Variants in NOVA1 observed in about 807,000 individuals in gnomAD.
NOVA1 encodes RNA-binding protein Nova-1.
In NOVA1, 7 loss-of-function variants were observed where a neutral mutation model predicts 38.0. The ratio of observed to expected loss-of-function variants is 0.18; its 90% CI spans 0.10 to 0.35. The LOEUF is 0.35. Among genes scored for constraint, NOVA1 ranks in the 10% least tolerant of loss-of-function variants. The pLI is 1.00. For synonymous variants in NOVA1, 270 were observed against 232.5 expected, an observed-to-expected ratio of 1.16 and a Z score of -1.47; for missense variants, 460 against 616.0, an observed-to-expected ratio of 0.75 and a Z score of 2.68.
rs1887238038 is a variant in NOVA1, at chr14:26,501,481, G to GA, written c.281-21339dup. Among the ~76,000 whole-genome samples the GA allele has an allele frequency of 6.6e-5, 10 of 151,846 alleles. No individual in the cohort carries two copies. The South Asian group carries it at 2.1e-3, about 32-fold the overall frequency. On this transcript the variant is annotated intron_variant, in intron 2 of 4. Transcript: ENST00000539517. Reference sequence around the variant, plus strand: ...AGACAAGCTATTATTTCTTTTTAAGGAAAAAAATCACTGGAAGTGTGTTTA... The same window carrying GA: ...AGACAAGCTATTATTTCTTTTTAAGGAAAAAAAATCACTGGAAGTGTGTTTA...
chr14:26,588,780 A>G (rs1893680130), intron 2 of NOVA1, among the ~76,000 whole-genome samples: 1 of 151,556 alleles, frequency 6.6e-6, no homozygotes, highest in Non-Finnish European at 1.5e-5. Flanking sequence ...AGAATAAAAT[A>G]ATTTATGTTT....
chr14:26,521,289 T>C (rs535954334), intron 2 of NOVA1, among the ~76,000 whole-genome samples: 111 of 152,186 alleles, frequency 7.3e-4, no homozygotes, highest in African/African-American at 2.6e-3. Context: ...CTGGACATAT[T>C]ACTCTAACAA....
At chr14:26,485,013 T>C (rs1326201424) in intron 2 of NOVA1, among the ~76,000 whole-genome samples, 2 of 151,032 alleles carry the variant, frequency 1.3e-5, no homozygotes, top group Non-Finnish European at 2.9e-5. Flanking sequence ...ACAGACACTA[T>C]ACATAAGAGA....
At chr14:26,567,080 C>T (rs894344487) in intron 2 of NOVA1, among the ~76,000 whole-genome samples, 2 of 152,040 alleles carry the variant, frequency 1.3e-5, no homozygotes, top group Non-Finnish European at 2.9e-5. Flanking sequence ...CAATCAAACT[C>T]ACCTTTCCCT....
chr14:26,580,909 T>C (rs558482167), intron 2 of NOVA1, among the ~76,000 whole-genome samples: 71 of 152,166 alleles, frequency 4.7e-4, no homozygotes, highest in Non-Finnish European at 9.4e-4. Flanking sequence ...ATCTCTGCTA[T>C]AAATTTAGTA....
At chr14:26,596,564 T>C (rs1200223907) in intron 1 of NOVA1, 2 of 1,289,000 alleles carry the variant, frequency 1.6e-6, no homozygotes, top group Admixed American at 2.3e-5. Context: ...ATGCTGGAGA[T>C]AAATTCACCT....
chr14:26,521,941 CTTAA>C (rs981016749), intron 2 of NOVA1, among the ~76,000 whole-genome samples: 2 of 151,466 alleles, frequency 1.3e-5, no homozygotes, highest in South Asian at 2.1e-4. Context: ...TAACATTTTC[CTTAA>C]TTAGAGTTCA....
chr14:26,448,059 G>C lies in NOVA1; in HGVS notation c.1424C>G (p.Thr475Ser). Residue 475 changes from threonine to serine, a missense_variant, in exon 5 of 5, where the codon ACT becomes AGT. Thr to Ser is a moderately conservative substitution (Grantham distance 58). Transcript: ENST00000539517. This position sits in a 1 kb window ranked among gnomAD's most constrained non-coding sequence, Gnocchi z 5.3. ...AGCCTGTGTTGCAGCTGGTGTTCCA[G>C]TAATGGTTACCTTCCGATTCCTTGT... Reference protein sequence around the residue: ...PGTRNRKVTITGTPAATQAAQ... With the variant: ...PGTRNRKVTISGTPAATQAAQ... 6.2e-7 allele frequency: 1 copy of C among 1,614,186 alleles called. No homozygotes were observed. Among genetic ancestry groups the C allele is most frequent in the East Asian group, 2.2e-5 (1 of 44,876 alleles).
chr14:26,451,400 C>T (rs1882663713), intron 4 of NOVA1, among the ~76,000 whole-genome samples: 1 of 151,994 alleles, frequency 6.6e-6, no homozygotes, highest in South Asian at 2.1e-4. Context: ...CGGAGTCTTG[C>T]TCTGTTGCCC....
chr14:26,461,336 A>G (rs972432978), intron 4 of NOVA1, among the ~76,000 whole-genome samples: 1 of 152,172 alleles, frequency 6.6e-6, no homozygotes, highest in Non-Finnish European at 1.5e-5. Context: ...AAAATCACAC[A>G]TTTAAAAGGG....
rs1881958274 is a variant in NOVA1, at chr14:26,444,875, A to C, written c.*3084T>G. 2 of 152,228 alleles carry C rather than the reference A, an allele frequency of 1.3e-5. No homozygotes were observed. The highest frequency in any genetic ancestry group is 6.6e-5 in the Admixed American group (1 of 15,248). 9.4% of individuals were successfully genotyped at this position (152,228 alleles called of 1,614,324 possible). A position where few individuals can be genotyped will look rare whatever the true frequency, so the allele number is the denominator to read the frequency against. On this transcript the variant is annotated 3_prime_UTR_variant, in exon 5 of 5. Coordinates refer to ENST00000539517, the MANE Select transcript of NOVA1 (RefSeq NM_002515.3). ...AACAAACAAACAAAAAAAAAACAAA[A>C]AAACTGCAATGCAACTTCAAGCAGT...
chr14:26,448,075 G>A lies in NOVA1; in HGVS notation c.1408C>T (p.Arg470Trp), dbSNP rs1455467992. 1 of 1,614,130 alleles carries A rather than the reference G, an allele frequency of 6.2e-7. No homozygotes were observed. The highest frequency in any genetic ancestry group is 8.5e-7 in the Non-Finnish European group (1 of 1,180,010). Reference sequence around the variant, plus strand: ...GGTGTTCCAGTAATGGTTACCTTCCGATTCCTTGTGCCAGGTACGAATTCT... The same window carrying A: ...GGTGTTCCAGTAATGGTTACCTTCCAATTCCTTGTGCCAGGTACGAATTCT... ...KGEFVPGTRN[R>W]KVTITGTPAA... The change falls in exon 5 of 5, where the codon CGG becomes TGG. Residue 470 changes from arginine (R) to tryptophan (W), a missense_variant. Physicochemically the swap from Arg to Trp is moderately radical, Grantham distance 101. Coordinates refer to ENST00000539517, the MANE Select transcript of NOVA1 (RefSeq NM_002515.3). This position sits in a 1 kb window ranked among gnomAD's most constrained non-coding sequence, Gnocchi z 5.3.
rs1882229509 is a variant in NOVA1 at position 26,448,011 on chromosome 14, C to G, written c.1472G>C (p.Arg491Thr). 1 of 1,614,018 alleles carries G rather than the reference C, an allele frequency of 6.2e-7. No homozygotes were observed. The change falls in exon 5 of 5, where the codon AGG (arginine) becomes ACG (threonine). Residue 491 changes from arginine to threonine, a missense_variant. Coordinates refer to ENST00000539517, the MANE Select transcript of NOVA1 (RefSeq NM_002515.3). This position sits in a 1 kb window ranked among gnomAD's most constrained non-coding sequence, Gnocchi z 5.3. ...TQAAQYLITQ[R>T]ITYEQGVRAA... is the part of the protein sequence containing the mutation. Reference sequence around the variant, plus strand: ...CCGAACTCCTTGCTCATATGTGATCCTTTGTGTAATTAAATATTGAGCAGC... The same window carrying G: ...CCGAACTCCTTGCTCATATGTGATCGTTTGTGTAATTAAATATTGAGCAGC...
intron 2 of NOVA1, among the ~76,000 whole-genome samples, chr14:26,497,945 T>G (rs558360681): frequency 6.6e-6 from 1 of 152,352 alleles, no homozygotes; most frequent in East Asian, 1.9e-4. Context: ...TCAATTAAAT[T>G]ATCAGACCAA....
chr14:26,457,487 T>C (rs1375615303), intron 4 of NOVA1, among the ~76,000 whole-genome samples: 2 of 152,134 alleles, frequency 1.3e-5, no homozygotes, highest in Non-Finnish European at 2.9e-5. Context: ...CCTAGCGACA[T>C]TGTAACCGTT....
chr14:26,543,956 T>C (rs1031727118), intron 2 of NOVA1, among the ~76,000 whole-genome samples: 1 of 151,916 alleles, frequency 6.6e-6, no homozygotes, highest in Admixed American at 6.6e-5. Flanking sequence ...GAGAAGGAAG[T>C]AGCACCGTGA....
chr14:26,597,568 A>C lies in NOVA1; in HGVS notation c.-132T>G, dbSNP rs1475552347. ...CTTAAGGTTTTTTTTTTTTAATCGG[A>C]TCAATATAAATCTCTTTAGGAAAAA... On this transcript the variant is annotated 5_prime_UTR_variant, in exon 1 of 5. Transcript: ENST00000539517. The C allele has an allele frequency of 3.7e-4, 412 of 1,115,644 alleles. 1 individual carries two copies. Among genetic ancestry groups the C allele is most frequent in the Non-Finnish European group, 4.4e-4 (407 of 921,250 alleles). 69.1% of individuals were successfully genotyped at this position (1,115,644 alleles called of 1,614,324 possible).
Position 26,497,373 on chromosome 14 carries a change from A to C in NOVA1, c.281-17230T>G, listed in dbSNP as rs1886898797. Among the ~76,000 whole-genome samples, 2 of 152,214 alleles carry C rather than the reference A, an allele frequency of 1.3e-5. 1 individual carries two copies. Among genetic ancestry groups the C allele is most frequent in the Admixed American group, 1.3e-4 (2 of 15,284 alleles). On this transcript the variant is annotated intron_variant, in intron 2 of 4. Coordinates refer to ENST00000539517, the MANE Select transcript of NOVA1 (RefSeq NM_002515.3). ...TATCATGAAAATGGCCATACTGCCC[A>C]AGGTAATTTATAACAAGCTTTTTAA...
intron 4 of NOVA1, among the ~76,000 whole-genome samples, chr14:26,454,892 G>A (rs1361807246): frequency 6.6e-6 from 1 of 152,062 alleles, no homozygotes; most frequent in Non-Finnish European, 1.5e-5. Flanking sequence ...GCTCCACTTA[G>A]TAGCATCCAG....
Sources: gnomAD v4.1 joint callset for allele counts (sites outside exome capture counted in the v4.1 genomes callset) on GRCh38, gnomAD v4.1.1 for gene constraint, Gnocchi (gnomAD v3.1) non-coding constraint, MANE v1.5 for transcripts, NCBI Gene and HGNC (gene_info 2026-07-23, HGNC 2026-07-21) for gene names.